SEC24D: variants seen among roughly 807,000 people sequenced by gnomAD.
SEC24D encodes the protein SEC24 homolog D, COPII component.
Under a neutral mutation model 116.9 loss-of-function variants are expected in SEC24D, and 69 were observed. The observed-to-expected ratio is 0.59, with a 90% CI of 0.49 to 0.72. The LOEUF (loss-of-function observed/expected upper bound fraction) is 0.72. SEC24D is among the 30% of genes least tolerant of loss of function. SEC24D has a pLI of 0.00. For synonymous variants in SEC24D, 405 were observed against 442.8 expected (o/e 0.91, Z 1.07); for missense variants, 1,131 against 1,264.1 (o/e 0.89, Z 1.60).
intron 20 of SEC24D, among the ~76,000 whole-genome samples, chr4:118,731,769 A>G (rs1032878334): frequency 1.3e-5 from 2 of 152,236 alleles, no homozygotes; most frequent in African/African-American, 2.4e-5. Context: ...GAAAAGATGC[A>G]CAAAAGTGGG....
In SEC24D at chr4:118,752,907, GTGTT is replaced by G. The variant is rs770217645; in HGVS notation, c.1422-23_1422-20del. ...CTCTTCCCTGTAAGGAAAAAAAAAA[GTGTT>G]TGAGATGCTTTATAAATTTAGATGA... On this transcript the variant is annotated intron_variant, in intron 11 of 22. Transcript: ENST00000280551. 2 of 1,291,018 alleles carry G rather than the reference GTGTT, an allele frequency of 1.5e-6. No individual in the cohort carries two copies. Among genetic ancestry groups the G allele is most frequent in the South Asian group, 1.4e-5 (1 of 71,088 alleles). The allele number at this position is 1,291,018 out of a possible 1,614,324, so 80.0% of individuals were successfully genotyped here.
chr4:118,796,739 G>A (rs922550520), intron 8 of SEC24D, among the ~76,000 whole-genome samples: 2 of 152,196 alleles, frequency 1.3e-5, no homozygotes, highest in African/African-American at 2.4e-5. Context: ...GAAAGGGAAC[G>A]AATCTGTTTG....
chr4:118,818,377 T>C (rs1342399592), intron 3 of SEC24D, among the ~76,000 whole-genome samples: 2 of 152,254 alleles, frequency 1.3e-5, no homozygotes, highest in African/African-American at 2.4e-5. Context: ...GGGAAGCCAG[T>C]GCTTGCCTGA....
chr4:118,747,259 G>A (rs1288440631), intron 13 of SEC24D, among the ~76,000 whole-genome samples: 4 of 146,130 alleles, frequency 2.7e-5, no homozygotes, highest in African/African-American at 1.0e-4. Context: ...TATCATTTCT[G>A]TAGCTTTTTT....
chr4:118,830,347 G>C (rs1020805376), intron 2 of SEC24D, among the ~76,000 whole-genome samples: 1 of 152,200 alleles, frequency 6.6e-6, no homozygotes, highest in African/African-American at 2.4e-5. Context: ...AGGATCACTT[G>C]AGCTGAGGAG....
At chr4:118,748,038 G>A (rs1560631448) in intron 13 of SEC24D, among the ~76,000 whole-genome samples, 1 of 152,158 alleles carries the variant, frequency 6.6e-6, no homozygotes, top group African/African-American at 2.4e-5. Flanking sequence ...GGCCCAGGCT[G>A]GCAGATCACA....
At chr4:118,785,679 C>T (rs1728637104) in intron 8 of SEC24D, among the ~76,000 whole-genome samples, 1 of 152,140 alleles carries the variant, frequency 6.6e-6, no homozygotes, top group Non-Finnish European at 1.5e-5. Context: ...AAATAGTGAT[C>T]TAATATCAAA....
At chr4:118,834,998 C>T (rs572964481) in intron 1 of SEC24D, among the ~76,000 whole-genome samples, 26 of 152,268 alleles carry the variant, frequency 1.7e-4, no homozygotes, top group Admixed American at 3.3e-4. Context: ...GAGATCATTT[C>T]CTTCTCCTGG....
At chr4:118,740,582 T>C (rs1203889161) in intron 17 of SEC24D, 81 bp downstream of exon 17, 7 of 1,448,676 alleles carry the variant, frequency 4.8e-6, no homozygotes, top group Admixed American at 1.9e-5. Context: ...ACTAACACAT[T>C]TGATGGTATT....
chr4:118,745,062 T>C lies in SEC24D; in HGVS notation c.1708-2A>G. 1 of 1,233,800 alleles carries C rather than the reference T, an allele frequency of 8.1e-7. No homozygotes were observed. The highest frequency in any genetic ancestry group is 1.1e-6 in the Non-Finnish European group (1 of 907,914). The allele number at this position is 1,233,800 out of a possible 1,614,324, so 76.4% of individuals were successfully genotyped here. Reference sequence around the variant, plus strand: ...CAGCTTCCCAGGACAGTCTGCTGCCTAAAAAAAAAAAAAAACCCAAAAACC... The same window carrying C: ...CAGCTTCCCAGGACAGTCTGCTGCCCAAAAAAAAAAAAAAACCCAAAAACC... On this transcript the variant is annotated splice_acceptor_variant, in intron 13 of 22. Transcript: ENST00000280551. LOFTEE classifies it high-confidence loss of function.
At position 118,744,144 on chromosome 4, in the gene SEC24D, G is replaced by A. The variant is rs1008990565; in HGVS notation, c.1839C>T (p.Pro613=). ...NTDKEKILFQ[P]QTNVYDSLAK... ...CCAATGAGTCATAGACATTTGTTTGGGGCTGGAAAAGTATCTGGAAAAAAG... is the reference window on the plus strand; with the variant it reads ...CCAATGAGTCATAGACATTTGTTTGAGGCTGGAAAAGTATCTGGAAAAAAG... The change falls in exon 15 of 23, where the codon CCC becomes CCT. Residue 613 remains proline (P), a synonymous_variant. Transcript: ENST00000280551. 6.4e-7 allele frequency: 1 copy of A among 1,561,082 alleles called. No individual in the cohort carries two copies. Among genetic ancestry groups the A allele is most frequent in the Non-Finnish European group, 8.6e-7 (1 of 1,157,132 alleles).
chr4:118,741,367 A>G (rs569961172), intron 15 of SEC24D, among the ~76,000 whole-genome samples: 12 of 152,302 alleles, frequency 7.9e-5, no homozygotes, highest in African/African-American at 2.6e-4. Context: ...GACCCAATGT[A>G]TAATACCCGT....
chr4:118,822,763 G>C (rs1382028960), intron 3 of SEC24D, among the ~76,000 whole-genome samples: 1 of 151,806 alleles, frequency 6.6e-6, no homozygotes, highest in African/African-American at 2.4e-5. Flanking sequence ...TTGTAGAGAT[G>C]GGGTCTCATC....
Position 118,744,024 on chromosome 4 carries a change from G to A in SEC24D, c.1959C>T (p.Leu653=), listed in dbSNP as rs889529068. The A allele has an allele frequency of 9.3e-6, 15 of 1,611,398 alleles. No homozygotes were observed. In the African/African-American group the frequency reaches 1.9e-4, roughly 20 times the overall value. ...TGTATTTGTAAAGGGTTCCTCCAGT[G>A]AGCTGAGGAACCAGCCCCAGCGAGG... is the stretch of plus-strand genomic sequence containing the variant. ...DVASLGLVPQ[L]TGGTLYKYNN... Residue 653 remains leucine (L), a synonymous_variant, in exon 15 of 23, where the codon CTC becomes CTT. Coordinates refer to ENST00000280551, the MANE Select transcript of SEC24D (RefSeq NM_014822.4).
chr4:118,816,036 C>T (rs1730131797), intron 4 of SEC24D, among the ~76,000 whole-genome samples: 1 of 151,788 alleles, frequency 6.6e-6, no homozygotes, highest in Admixed American at 6.6e-5. Context: ...ATCCTCCCAC[C>T]TCAGCCTCCC....
chr4:118,781,977 C>A (rs991101996), intron 8 of SEC24D, among the ~76,000 whole-genome samples: 1 of 152,138 alleles, frequency 6.6e-6, no homozygotes, highest in Non-Finnish European at 1.5e-5. Flanking sequence ...TCTAGTTAGC[C>A]ATTCGTCTAA....
intron 10 of SEC24D, among the ~76,000 whole-genome samples, chr4:118,763,601 G>C (rs187919760): frequency 6.6e-6 from 1 of 152,144 alleles, no homozygotes; most frequent in Non-Finnish European, 1.5e-5. Context: ...TGAATGATAC[G>C]CAAGAAGATG....
At chr4:118,773,232 T>C (rs536989774) in intron 8 of SEC24D, among the ~76,000 whole-genome samples, 22 of 151,766 alleles carry the variant, frequency 1.4e-4, no homozygotes, top group African/African-American at 5.1e-4. Context: ...AGCACCAATA[T>C]TCTACTTTAC....
rs769590043 is a variant in SEC24D at position 118,740,991 on chromosome 4, A to G, written c.2042T>C (p.Ile681Thr). The change falls in exon 16 of 23, where the codon ATT becomes ACT. Residue 681 changes from isoleucine (I) to threonine (T), a missense_variant. Transcript: ENST00000280551. ...QQFLNDLRND[I>T]EKKIGFDAIM... Reference sequence around the variant, plus strand: ...AGCATCAAAGCCTATTTTCTTTTCAATATCATTTCTGAGGTCGTTCAAAAA... The same window carrying G: ...AGCATCAAAGCCTATTTTCTTTTCAGTATCATTTCTGAGGTCGTTCAAAAA... 8.8e-6 allele frequency: 14 copies of G among 1,594,648 alleles called. No individual in the cohort carries two copies. The highest frequency in any genetic ancestry group is 1.1e-5 in the South Asian group (1 of 88,758).
Sources: allele counts gnomAD v4.1 joint callset (sites outside exome capture counted in the v4.1 genomes callset), GRCh38; gene constraint gnomAD v4.1.1; transcripts MANE v1.5; gene names NCBI Gene and HGNC (gene_info 2026-07-23, HGNC 2026-07-21).